The following NXPH2 variants were observed in gnomAD, a reference collection of about 807,000 sequenced individuals.
NXPH2 encodes the protein neurexophilin 2.
In NXPH2, 5 loss-of-function variants were observed where a neutral mutation model predicts 19.8. The ratio of observed to expected loss-of-function variants is 0.25; its 90% CI spans 0.13 to 0.53. The LOEUF (loss-of-function observed/expected upper bound fraction) is 0.53, where lower values mean the gene tolerates loss of function less well. Ranked by LOEUF, NXPH2 falls within the 20% of genes least tolerant of loss-of-function variation. The probability of loss-of-function intolerance (pLI) is 0.96; values close to 1 mark genes in which losing one functional copy is unlikely to be tolerated. For missense variants in NXPH2, 289 were observed against 322.8 expected (o/e 0.90, Z 0.80); for synonymous variants, 154 against 127.4 (o/e 1.21, Z -1.41).
intron 1 of NXPH2, among the ~76,000 whole-genome samples, chr2:138,707,528 G>A (rs1438005925): frequency 6.6e-6 from 1 of 152,134 alleles, no homozygotes; most frequent in Non-Finnish European, 1.5e-5. Context: ...GCATTTGCTT[G>A]ACATCTGTGT....
chr2:138,751,423 A>T (rs2104833792), intron 1 of NXPH2, among the ~76,000 whole-genome samples: 1 of 152,296 alleles, frequency 6.6e-6, no homozygotes, highest in Admixed American at 6.5e-5. Context: ...TCAAATAACT[A>T]TGTGCTTTGA....
At chr2:138,777,151 A>C (rs911063971) in intron 1 of NXPH2, among the ~76,000 whole-genome samples, 1 of 152,224 alleles carries the variant, frequency 6.6e-6, no homozygotes, top group South Asian at 2.1e-4. Flanking sequence ...GTTACAAATC[A>C]TCATGCAAAT....
At chr2:138,720,226 G>A (rs909053781) in intron 1 of NXPH2, among the ~76,000 whole-genome samples, 4 of 151,952 alleles carry the variant, frequency 2.6e-5, no homozygotes, top group Non-Finnish European at 5.9e-5. Context: ...AGTAGGTCTC[G>A]TACTGATGGT....
intron 1 of NXPH2, among the ~76,000 whole-genome samples, chr2:138,759,762 C>G (rs902916418): frequency 2.9e-5 from 4 of 139,188 alleles, no homozygotes; most frequent in Admixed American, 7.9e-5. Flanking sequence ...CGGAGTCTTG[C>G]TCTGTGGTCC....
rs35323726 is a variant in NXPH2 at position 138,723,160 on chromosome 2, A to ACAAGCAAG, written c.52-51503_52-51496dup. ...AAGCAAAGCTAAGCAACACAAACAG[A>ACAAGCAAG]CAAGCAAGCAAGCAAGCAAGCAGAC... On this transcript the variant is annotated intron_variant, in intron 1 of 1. Transcript: ENST00000272641. Among the ~76,000 whole-genome samples the ACAAGCAAG allele has an allele frequency of 4.0e-5, 6 of 151,714 alleles. 1 individual carries two copies. The highest frequency in any genetic ancestry group is 2.1e-4 in the South Asian group (1 of 4,764).
intron 1 of NXPH2, among the ~76,000 whole-genome samples, chr2:138,768,550 GA>G (rs1682127587): frequency 1.3e-5 from 2 of 152,114 alleles, no homozygotes; most frequent in Admixed American, 6.5e-5. Context: ...TAGAGACAGG[GA>G]AAAAATGGTT....
intron 1 of NXPH2, 137 bp downstream of exon 1, chr2:138,780,042 TAAGGCAACCCAA>T: frequency 1.4e-6 from 1 of 708,556 alleles, no homozygotes; most frequent in Non-Finnish European, 2.1e-6. Context: ...TTTCGACCTC[TAAGGCAACCCAA>T]AACTCCTTGC....
chr2:138,717,401 T>C (rs1681210631), intron 1 of NXPH2, among the ~76,000 whole-genome samples: 1 of 151,390 alleles, frequency 6.6e-6, no homozygotes, highest in Non-Finnish European at 1.5e-5. Flanking sequence ...CAGAAACATC[T>C]CACAGTTCTG....
At chr2:138,736,440 A>T (rs928438220) in intron 1 of NXPH2, among the ~76,000 whole-genome samples, 7 of 152,190 alleles carry the variant, frequency 4.6e-5, no homozygotes, top group African/African-American at 1.4e-4. Flanking sequence ...CACGCTCTAC[A>T]TTTGACCCTG....
intron 1 of NXPH2, among the ~76,000 whole-genome samples, chr2:138,684,759 G>T (rs978388126): frequency 3.9e-5 from 6 of 152,186 alleles, no homozygotes; most frequent in Non-Finnish European, 8.8e-5. Context: ...TGCTGGGGTG[G>T]CTGCCCTGCC....
chr2:138,747,650 T>C (rs374216496), intron 1 of NXPH2, among the ~76,000 whole-genome samples: 2 of 152,318 alleles, frequency 1.3e-5, no homozygotes, highest in African/African-American at 4.8e-5. Flanking sequence ...CATGCATACG[T>C]GGTAGTGTAC....
chr2:138,673,220 AG>A (rs2104963959), intron 1 of NXPH2, among the ~76,000 whole-genome samples: 1 of 152,272 alleles, frequency 6.6e-6, no homozygotes, highest in South Asian at 2.1e-4. Flanking sequence ...GCCTCTTCTT[AG>A]GGGCTTATAC....
intron 1 of NXPH2, among the ~76,000 whole-genome samples, chr2:138,706,741 AT>A (rs1004942875): frequency 3.3e-5 from 5 of 149,430 alleles, no homozygotes; most frequent in East Asian, 2.0e-4. Context: ...GAAAGACTTC[AT>A]TTTTTTTTTA....
In NXPH2 at chr2:138,745,832, A is replaced by G. The variant is rs1001667493; in HGVS notation, c.51+34359T>C. Reference sequence around the variant, plus strand: ...AATTCAATTATAGGGTGGGGGGAAGAAGCAGGAAGGTGGTTTAGTTGTATC... The same window carrying G: ...AATTCAATTATAGGGTGGGGGGAAGGAGCAGGAAGGTGGTTTAGTTGTATC... On this transcript the variant is annotated intron_variant, in intron 1 of 1. Transcript: ENST00000272641. Among the ~76,000 whole-genome samples the G allele has an allele frequency of 4.3e-4, 65 of 152,210 alleles. 1 individual carries two copies. Among genetic ancestry groups the G allele is most frequent in the Non-Finnish European group, 8.8e-5 (6 of 68,024 alleles).
At chr2:138,729,828 G>A (rs1051781079) in intron 1 of NXPH2, among the ~76,000 whole-genome samples, 6 of 152,224 alleles carry the variant, frequency 3.9e-5, no homozygotes, top group South Asian at 4.1e-4. Context: ...TATGACTCCC[G>A]TTTCAAACTG....
chr2:138,780,160 G>A (rs371996625), intron 1 of NXPH2, 31 bp downstream of exon 1: 19 of 1,474,738 alleles, frequency 1.3e-5, no homozygotes, highest in African/African-American at 1.2e-4. Context: ...CGTCCCCGGC[G>A]TGTGGGACGG....
intron 1 of NXPH2, among the ~76,000 whole-genome samples, chr2:138,766,370 C>T (rs1682092983): frequency 6.6e-6 from 1 of 152,212 alleles, no homozygotes; most frequent in South Asian, 2.1e-4. Flanking sequence ...GCAGGTTTCT[C>T]ACCCACTCCA....
intron 1 of NXPH2, among the ~76,000 whole-genome samples, chr2:138,739,421 T>G (rs572173116): frequency 1.3e-5 from 2 of 152,140 alleles, no homozygotes; most frequent in Non-Finnish European, 2.9e-5. Context: ...AGTCTTCATA[T>G]GAGAAGCAGC....
chr2:138,685,468 A>G (rs1037668997), intron 1 of NXPH2, among the ~76,000 whole-genome samples: 1 of 152,206 alleles, frequency 6.6e-6, no homozygotes, highest in African/African-American at 2.4e-5. Context: ...ACCTTGACTT[A>G]CCATGGGGTT....
Sources: allele counts gnomAD v4.1 joint callset (sites outside exome capture counted in the v4.1 genomes callset), GRCh38; gene constraint gnomAD v4.1.1; transcripts MANE v1.5; gene names NCBI Gene and HGNC (gene_info 2026-07-23, HGNC 2026-07-21).